TBC1D30: variants seen among roughly 807,000 people sequenced by gnomAD.
The protein encoded by TBC1D30 is TBC1 domain family member 30.
Under a neutral mutation model 63.2 loss-of-function variants are expected in TBC1D30, and 31 were observed. The observed-to-expected ratio is 0.49, with a 90% CI of 0.37 to 0.66. TBC1D30 has a LOEUF of 0.66. Ranked by LOEUF, TBC1D30 falls within the 30% of genes least tolerant of loss-of-function variation. The probability of loss-of-function intolerance (pLI) is 0.00; values close to 1 mark genes in which losing one functional copy is unlikely to be tolerated. For missense variants in TBC1D30, 810 were observed against 953.6 expected (o/e 0.85, Z 1.98); for synonymous variants, 307 against 361.5 (o/e 0.85, Z 1.71).
chr12:64,806,506 TA>T (rs1472868996), intron 2 of TBC1D30, among the ~76,000 whole-genome samples: 4 of 152,140 alleles, frequency 2.6e-5, no homozygotes, highest in Non-Finnish European at 5.9e-5. Context: ...TGTTATTGTT[TA>T]AAAAAATCAG....
At chr12:64,854,411 G>A (rs2136432831) in intron 8 of TBC1D30, among the ~76,000 whole-genome samples, 1 of 150,872 alleles carries the variant, frequency 6.6e-6, no homozygotes, top group African/African-American at 2.4e-5. Context: ...TTAACTCCTT[G>A]TTGTTTCTCT....
exon 1 of TBC1D30, chr12:64,780,875 G>T: frequency 9.9e-7 from 1 of 1,013,162 alleles, no homozygotes; most frequent in Non-Finnish European, 1.2e-6. Flanking sequence ...CCGCGGCGGC[G>T]GTGGCGAGGC....
chr12:64,832,081 G>A lies in TBC1D30; in HGVS notation c.409-38G>A. On this transcript the variant is annotated intron_variant, in intron 4 of 11. Coordinates refer to ENST00000539867, the MANE Select transcript of TBC1D30 (RefSeq NM_015279.2). ...AGGTATTGTTTTGGAAAGAATATTA[G>A]GAGTTATTTTTGAAAATATTGTTTC... 2.0e-6 allele frequency: 3 copies of A among 1,476,462 alleles called. 1 individual carries two copies. The highest frequency in any genetic ancestry group is 2.6e-5 in the South Asian group (2 of 77,426). 91.5% of individuals were successfully genotyped at this position (1,476,462 alleles called of 1,614,324 possible). A position where few individuals can be genotyped will look rare whatever the true frequency, so the allele number is the denominator to read the frequency against.
chr12:64,800,808 T>G (rs1396287987), intron 2 of TBC1D30, among the ~76,000 whole-genome samples: 1 of 152,150 alleles, frequency 6.6e-6, no homozygotes, highest in Non-Finnish European at 1.5e-5. Context: ...TACATATAGT[T>G]AAATAGAGAA....
intron 8 of TBC1D30, among the ~76,000 whole-genome samples, chr12:64,860,325 T>C (rs1443405130): frequency 1.3e-5 from 2 of 152,138 alleles, no homozygotes; most frequent in African/African-American, 2.4e-5. Context: ...GCTAATTTTT[T>C]TTAATGTATT....
chr12:64,770,124 C>T (rs1379309714), intron 1 of TBC1D30, among the ~76,000 whole-genome samples: 2 of 152,154 alleles, frequency 1.3e-5, no homozygotes, highest in Non-Finnish European at 2.9e-5. Flanking sequence ...ATGAAAATAG[C>T]GTTCTTTTTT....
intron 2 of TBC1D30, among the ~76,000 whole-genome samples, chr12:64,803,798 C>T (rs1480943290): frequency 1.3e-5 from 2 of 152,134 alleles, no homozygotes; most frequent in African/African-American, 4.8e-5. Context: ...TGTCAAAGAT[C>T]AGATGGTTGT....
intron 8 of TBC1D30, among the ~76,000 whole-genome samples, chr12:64,858,501 G>A (rs1429585843): frequency 1.3e-5 from 2 of 152,124 alleles, no homozygotes; most frequent in Non-Finnish European, 2.9e-5. Flanking sequence ...TACCAGTGCT[G>A]GGTCCTTCCC....
At chr12:64,832,347 G>A in intron 5 of TBC1D30, 43 bp downstream of exon 5, 2 of 1,504,410 alleles carry the variant, frequency 1.3e-6, no homozygotes, top group Non-Finnish European at 1.8e-6. Flanking sequence ...ATTCTTCTGA[G>A]AGTGAGAAAT....
At chr12:64,778,271 T>C (rs1161921629), upstream of TBC1D30, among the ~76,000 whole-genome samples, 1 of 152,188 alleles carries the variant, frequency 6.6e-6, no homozygotes, top group Non-Finnish European at 1.5e-5. Flanking sequence ...AATTAGTTAA[T>C]TAAACAAATA....
rs530892821 is a variant in TBC1D30 at position 64,827,686 on chromosome 12, C to A, written c.155-149C>A. On this transcript the variant is annotated intron_variant, in intron 1 of 11. Coordinates refer to ENST00000539867, the MANE Select transcript of TBC1D30 (RefSeq NM_015279.2). ...CCTATTTTAAGAATCAATATGCTTA[C>A]CTTTTGGCAAAATTGACTAAAATTT... 3 of 592,630 alleles carry A rather than the reference C, an allele frequency of 5.1e-6. No individual in the cohort carries two copies. The South Asian group carries it at 7.0e-5, about 14-fold the overall frequency. 36.7% of individuals were successfully genotyped at this position (592,630 alleles called of 1,614,324 possible). A position where few individuals can be genotyped will look rare whatever the true frequency, so the allele number is the denominator to read the frequency against.
At chr12:64,783,759 C>T (rs1871405842) in intron 1 of TBC1D30, among the ~76,000 whole-genome samples, 1 of 150,934 alleles carries the variant, frequency 6.6e-6, no homozygotes, top group East Asian at 1.9e-4. Flanking sequence ...TGTAAGAACC[C>T]TTTTGTGGAG....
At chr12:64,862,869 T>C (rs192034230) in intron 8 of TBC1D30, among the ~76,000 whole-genome samples, 3 of 152,140 alleles carry the variant, frequency 2.0e-5, no homozygotes, top group African/African-American at 7.2e-5. Context: ...ACATTTGATA[T>C]GTGATGGTCA....
exon 1 of TBC1D30, chr12:64,781,180 C>T (rs953325044): frequency 9.5e-7 from 1 of 1,050,560 alleles, no homozygotes; most frequent in Admixed American, 5.9e-5. Context: ...CCTCGGGCTC[C>T]GACGTGGTCC....
chr12:64,817,295 T>C (rs1873601783), intron 2 of TBC1D30, among the ~76,000 whole-genome samples: 1 of 152,218 alleles, frequency 6.6e-6, no homozygotes, highest in African/African-American at 2.4e-5. Flanking sequence ...GCCTGCTTTA[T>C]GCCATGACTT....
At chr12:64,813,788 G>A (rs917711745) in intron 2 of TBC1D30, among the ~76,000 whole-genome samples, 6 of 152,166 alleles carry the variant, frequency 3.9e-5, no homozygotes, top group African/African-American at 1.4e-4. Context: ...TAATGAGTGG[G>A]ATGGTATGGC....
In TBC1D30 at chr12:64,801,617, G is replaced by A. The variant is rs1034051236; in HGVS notation, c.643+15572G>A. Among the ~76,000 whole-genome samples, 5 of 152,314 alleles carry A rather than the reference G, an allele frequency of 3.3e-5. 1 individual carries two copies. The highest frequency in any genetic ancestry group is 1.2e-4 in the African/African-American group (5 of 41,566). ...CTCCTGTTGAACACAGGGCACTAGTGTATGTGGGCTGCCTTCCTAGCTAGA... is the reference window on the plus strand; with the variant it reads ...CTCCTGTTGAACACAGGGCACTAGTATATGTGGGCTGCCTTCCTAGCTAGA... On this transcript the variant is annotated intron_variant, in intron 2 of 12. Transcript: ENST00000542120.
chr12:64,840,004 CAAAAAAAAAA>C lies in TBC1D30; in HGVS notation c.932+1168_932+1177del, dbSNP rs60440376. On this transcript the variant is annotated intron_variant, in intron 7 of 11. Transcript: ENST00000539867. The stretch of plus-strand genomic sequence containing the variant: ...TGGACGACAGAGCAAGACTCTGTCT[CAAAAAAAAAA>C]AAAAAAAAAAAAAATCCACCAACTA... Among the ~76,000 whole-genome samples the C allele has an allele frequency of 5.1e-5, 5 of 98,348 alleles. 2 individuals carry two copies. Among genetic ancestry groups the C allele is most frequent in the African/African-American group, 2.1e-4 (4 of 19,314 alleles). The allele number at this position is 98,348 out of a possible 152,430, so 64.5% of individuals were successfully genotyped here. A position where few individuals can be genotyped will look rare whatever the true frequency, so the allele number is the denominator to read the frequency against.
At chr12:64,853,329 C>T (rs1405163970) in intron 8 of TBC1D30, among the ~76,000 whole-genome samples, 3 of 152,264 alleles carry the variant, frequency 2.0e-5, no homozygotes, top group Non-Finnish European at 2.9e-5. Flanking sequence ...TAATGGTGGA[C>T]GTCCCTACCC....
Sources: gnomAD v4.1 joint callset for allele counts (sites outside exome capture counted in the v4.1 genomes callset) on GRCh38, gnomAD v4.1.1 for gene constraint, MANE v1.5 for transcripts, NCBI Gene and HGNC (gene_info 2026-07-23, HGNC 2026-07-21) for gene names.